GRID1: variants seen among roughly 807,000 people sequenced by gnomAD.
GRID1 encodes glutamate ionotropic receptor delta type subunit 1.
Under a neutral mutation model 98.0 loss-of-function variants are expected in GRID1, and 28 were observed. That is an observed-to-expected ratio of 0.29 (90% CI 0.21 to 0.39). The LOEUF is 0.39. GRID1 is among the 10% of genes least tolerant of loss of function. GRID1 has a pLI of 1.00. For synonymous variants in GRID1, 553 were observed against 538.5 expected (o/e 1.03, Z -0.37); for missense variants, 1,111 against 1,340.5 (o/e 0.83, Z 2.67).
chr10:86,257,751 T>C (rs1224245316), intron 2 of GRID1, among the ~76,000 whole-genome samples: 1 of 152,128 alleles, frequency 6.6e-6, no homozygotes, highest in Non-Finnish European at 1.5e-5. Flanking sequence ...TCATGGGGCA[T>C]GGCTGAGAAA....
chr10:85,878,772 A>G (rs1434718543), intron 5 of GRID1, among the ~76,000 whole-genome samples: 1 of 151,856 alleles, frequency 6.6e-6, no homozygotes, highest in Non-Finnish European at 1.5e-5. Flanking sequence ...ACATAACAAT[A>G]TTAACTTTAA....
chr10:86,036,447 A>C (rs1843262504), intron 4 of GRID1, among the ~76,000 whole-genome samples: 1 of 152,162 alleles, frequency 6.6e-6, no homozygotes, highest in Admixed American at 6.5e-5. Context: ...CCATCTGAGA[A>C]GTTTTGGAAC....
chr10:86,162,723 A>G (rs1325245713), intron 3 of GRID1, among the ~76,000 whole-genome samples: 2 of 152,200 alleles, frequency 1.3e-5, no homozygotes, highest in Admixed American at 6.5e-5. Context: ...GGGGTTGTCC[A>G]TGACCCACTG....
intron 8 of GRID1, among the ~76,000 whole-genome samples, chr10:85,795,352 A>T (rs1196377574): frequency 6.6e-6 from 1 of 152,188 alleles, no homozygotes; most frequent in Non-Finnish European, 1.5e-5. Flanking sequence ...ACAGCAAAAG[A>T]TTCTAAAAGG....
At chr10:86,277,745 A>T (rs1010659815) in intron 2 of GRID1, among the ~76,000 whole-genome samples, 1 of 152,188 alleles carries the variant, frequency 6.6e-6, no homozygotes, top group African/African-American at 2.4e-5. Flanking sequence ...CTACCAAAAA[A>T]AATCAACTAA....
chr10:86,155,627 G>C (rs971806834), intron 3 of GRID1, among the ~76,000 whole-genome samples: 1 of 152,300 alleles, frequency 6.6e-6, no homozygotes, highest in Admixed American at 6.5e-5. Flanking sequence ...CAGGTTCCTG[G>C]GGCAATCAGA....
chr10:85,726,656 AC>A (rs1354176351), intron 10 of GRID1, among the ~76,000 whole-genome samples: 2 of 152,126 alleles, frequency 1.3e-5, no homozygotes, highest in Non-Finnish European at 2.9e-5. Flanking sequence ...CGTGGAAAGA[AC>A]CAGACACAAA....
chr10:85,999,065 T>C (rs1227535220), intron 4 of GRID1, among the ~76,000 whole-genome samples: 1 of 151,982 alleles, frequency 6.6e-6, no homozygotes, highest in Non-Finnish European at 1.5e-5. Context: ...ATACAAAAAC[T>C]AGCTGGATGT....
intron 4 of GRID1, among the ~76,000 whole-genome samples, chr10:86,108,268 C>T (rs1844423856): frequency 6.6e-6 from 1 of 152,164 alleles, no homozygotes; most frequent in Non-Finnish European, 1.5e-5. Context: ...GAACTTTTCC[C>T]ACTTCAATAT....
chr10:85,812,520 AT>A (rs1461740503), intron 8 of GRID1, among the ~76,000 whole-genome samples: 2 of 152,082 alleles, frequency 1.3e-5, no homozygotes, highest in Non-Finnish European at 2.9e-5. Flanking sequence ...GCATTTTATT[AT>A]TTTTTAAACC....
chr10:86,236,683 G>A (rs1483442001), intron 2 of GRID1, among the ~76,000 whole-genome samples: 3 of 152,192 alleles, frequency 2.0e-5, no homozygotes, highest in Admixed American at 6.5e-5. Context: ...GACCCATTAC[G>A]GGAGCACTGA....
At chr10:85,876,462 C>T (rs1376150814) in intron 5 of GRID1, among the ~76,000 whole-genome samples, 2 of 152,112 alleles carry the variant, frequency 1.3e-5, no homozygotes, top group Non-Finnish European at 2.9e-5. Context: ...TCCAGATAAC[C>T]CAAGATAATC....
rs145808309 is a variant in GRID1 at position 86,189,822 on chromosome 10, G to A, written c.520+16542C>T. 2.1e-4 allele frequency among the ~76,000 whole-genome samples: 32 copies of A among 152,262 alleles called. 1 individual carries two copies. The East Asian group carries it at 6.0e-3, about 29-fold the overall frequency. ...CTGCCAAATGTCCCCGGGGCCAGAGGTGGGAGGAGGCTCTTGTGCCCACTA... is the reference window on the plus strand; with the variant it reads ...CTGCCAAATGTCCCCGGGGCCAGAGATGGGAGGAGGCTCTTGTGCCCACTA... On this transcript the variant is annotated intron_variant, in intron 3 of 15. Transcript: ENST00000327946.
In GRID1 at chr10:85,654,403, A is replaced by C. The variant is rs200404597; in HGVS notation, c.1998-7006T>G. 2.0e-5 allele frequency among the ~76,000 whole-genome samples: 3 copies of C among 152,372 alleles called. No homozygotes were observed. In the East Asian group the frequency reaches 5.8e-4, roughly 29 times the overall value. On this transcript the variant is annotated intron_variant, in intron 12 of 15. Transcript: ENST00000327946. ...AGCAGTGAATGCCTGCAAGACTTCC[A>C]CTTCTTACAAACACATTTTTGTAAA...
rs373180595 is a variant in GRID1, at chr10:85,875,346, T to G, written c.781-6166A>C. ...GAGTTTTATTTGGTTAGCATCTGCC[T>G]GCTCTAACGTTTTCCATCTCTTTGC... On this transcript the variant is annotated intron_variant, in intron 5 of 15. Transcript: ENST00000327946. Among the ~76,000 whole-genome samples, 3 of 152,346 alleles carry G rather than the reference T, an allele frequency of 2.0e-5. No homozygotes were observed. The East Asian group carries it at 5.8e-4, about 29-fold the overall frequency.
chr10:86,042,457 C>T (rs2131899820), intron 4 of GRID1, among the ~76,000 whole-genome samples: 1 of 152,284 alleles, frequency 6.6e-6, no homozygotes, highest in Admixed American at 6.5e-5. Context: ...AGAGATAAAG[C>T]CCTACCTGAG....
chr10:85,809,492 A>C (rs148429252), intron 8 of GRID1, among the ~76,000 whole-genome samples: 1 of 152,196 alleles, frequency 6.6e-6, no homozygotes, highest in Non-Finnish European at 1.5e-5. Flanking sequence ...GCAGCTAGAC[A>C]AAAAAGTATG....
chr10:86,042,020 T>C lies in GRID1; in HGVS notation c.726+96799A>G, dbSNP rs1434758381. On this transcript the variant is annotated intron_variant, in intron 4 of 15. Transcript: ENST00000327946. ...GGGGACCAATCAAAGCCAACCCTCT[T>C]GCTTAGTGGCAGCCCTTTCCCAACC... is the stretch of plus-strand genomic sequence containing the variant. Among the ~76,000 whole-genome samples the C allele has an allele frequency of 3.3e-5, 5 of 152,140 alleles. No individual in the cohort carries two copies. The East Asian group carries it at 9.7e-4, about 29-fold the overall frequency.
At chr10:85,843,710 C>T (rs1475995782) in intron 8 of GRID1, among the ~76,000 whole-genome samples, 1 of 152,116 alleles carries the variant, frequency 6.6e-6, no homozygotes, top group East Asian at 1.9e-4. Flanking sequence ...ACACCACTGA[C>T]CATCAGTGAA....
Sources: allele counts gnomAD v4.1 joint callset (sites outside exome capture counted in the v4.1 genomes callset), GRCh38; gene constraint gnomAD v4.1.1; transcripts MANE v1.5; gene names NCBI Gene and HGNC (gene_info 2026-07-23, HGNC 2026-07-21).